The following DAB1 variants were observed in gnomAD, a reference collection of about 807,000 sequenced individuals.
DAB1 encodes the protein DAB adaptor protein 1.
DAB1 carries 15 observed loss-of-function variants against 64.6 expected under a neutral mutation model. That is an observed-to-expected ratio of 0.23 (90% CI 0.16 to 0.36). The LOEUF (loss-of-function observed/expected upper bound fraction) is 0.36, where lower values mean the gene tolerates loss of function less well. Among genes scored for constraint, DAB1 ranks in the 10% least tolerant of loss-of-function variants. The pLI, the probability that DAB1 is intolerant of heterozygous loss-of-function variation, is 1.00. For missense variants in DAB1, 596 were observed against 706.7 expected (o/e 0.84, Z 1.78); for synonymous variants, 235 against 251.9 (o/e 0.93, Z 0.64).
chr1:58,016,180 G>T (rs966847694), intron 5 of DAB1, among the ~76,000 whole-genome samples: 2 of 152,138 alleles, frequency 1.3e-5, no homozygotes, highest in South Asian at 4.1e-4. Context: ...TCTGCAAAAG[G>T]CCAAAAAGTA....
At chr1:57,486,658 TC>T (rs909153978) in intron 7 of DAB1, among the ~76,000 whole-genome samples, 1 of 151,746 alleles carries the variant, frequency 6.6e-6, no homozygotes. Flanking sequence ...CATCTTACCC[TC>T]CCCCCGACTC....
intron 4 of DAB1, among the ~76,000 whole-genome samples, chr1:58,325,529 G>A (rs955905378): frequency 2.6e-5 from 4 of 152,194 alleles, no homozygotes; most frequent in Non-Finnish European, 5.9e-5. Context: ...AAACTTTGGA[G>A]CCAGAAGCAT....
intron 3 of DAB1, among the ~76,000 whole-genome samples, chr1:58,413,589 T>C (rs534317539): frequency 6.6e-6 from 1 of 152,168 alleles, no homozygotes. Context: ...TGGTGGCTTG[T>C]GCAGTCCCAA....
At chr1:58,039,912 C>T (rs1647108619) in intron 5 of DAB1, among the ~76,000 whole-genome samples, 1 of 152,042 alleles carries the variant, frequency 6.6e-6, no homozygotes, top group Non-Finnish European at 1.5e-5. Flanking sequence ...TATTAGTTAT[C>T]AATATTATCC....
intron 7 of DAB1, among the ~76,000 whole-genome samples, chr1:57,606,666 A>G (rs1570668894): frequency 9.2e-6 from 1 of 109,058 alleles, no homozygotes; most frequent in Non-Finnish European, 1.7e-5. Context: ...TATGAAATAT[A>G]TATGAAATAT....
intron 1 of DAB1, among the ~76,000 whole-genome samples, chr1:57,325,593 T>G (rs1222780817): frequency 6.6e-6 from 1 of 152,208 alleles, no homozygotes; most frequent in African/African-American, 2.4e-5. Context: ...TTTTTACATA[T>G]TTCACTATTT....
chr1:57,114,450 T>A (rs1157663407), intron 4 of DAB1, among the ~76,000 whole-genome samples: 2 of 152,200 alleles, frequency 1.3e-5, no homozygotes, highest in African/African-American at 4.8e-5. Flanking sequence ...TTAAAGAGAA[T>A]TCCATTTATG....
At chr1:57,792,218 A>T (rs1418259819) in intron 6 of DAB1, among the ~76,000 whole-genome samples, 2 of 152,164 alleles carry the variant, frequency 1.3e-5, no homozygotes, top group African/African-American at 2.4e-5. Context: ...AAATCACTCT[A>T]ATCTTACCAG....
At chr1:57,667,413 T>C (rs182978298) in intron 6 of DAB1, among the ~76,000 whole-genome samples, 131 of 152,276 alleles carry the variant, frequency 8.6e-4, no homozygotes, top group African/African-American at 3.1e-3. Context: ...TCAGAGTGCT[T>C]AATAATATCT....
chr1:57,363,634 C>T (rs1204304540), intron 1 of DAB1, among the ~76,000 whole-genome samples: 1 of 152,112 alleles, frequency 6.6e-6, no homozygotes, highest in East Asian at 1.9e-4. Flanking sequence ...AGGGACTCCT[C>T]TCATTGTAGG....
chr1:58,397,864 T>C (rs1442788576), intron 3 of DAB1, among the ~76,000 whole-genome samples: 1 of 152,224 alleles, frequency 6.6e-6, no homozygotes, highest in Non-Finnish European at 1.5e-5. Context: ...AGTACCTACC[T>C]CACTGCATTG....
At chr1:57,901,769 G>A (rs1644477332) in intron 5 of DAB1, among the ~76,000 whole-genome samples, 1 of 152,052 alleles carries the variant, frequency 6.6e-6, no homozygotes, top group Non-Finnish European at 1.5e-5. Flanking sequence ...GATGATGTAA[G>A]GTTCAGACAG....
intron 14 of DAB1, among the ~76,000 whole-genome samples, chr1:57,006,036 G>T (rs1266198977): frequency 1.3e-5 from 2 of 152,206 alleles, no homozygotes; most frequent in Non-Finnish European, 2.9e-5. Context: ...TTAGAACACA[G>T]CTACATTCAT....
intron 8 of DAB1, among the ~76,000 whole-genome samples, chr1:57,064,481 A>G (rs1650711210): frequency 6.6e-6 from 1 of 152,156 alleles, no homozygotes; most frequent in Admixed American, 6.5e-5. Flanking sequence ...CAAGTCTTTC[A>G]GGTAAGAACT....
chr1:57,385,261 T>G lies in DAB1; in HGVS notation c.-137+38669A>C, dbSNP rs569781243. On this transcript the variant is annotated intron_variant, in intron 1 of 14. Coordinates refer to ENST00000371236, the MANE Select transcript of DAB1 (RefSeq NM_001365792.1). ...TGGAAAAAGAGAAATAGGACAACCT[T>G]GAGTCTAGATGTTTCACATAAAATT... Among the ~76,000 whole-genome samples the G allele has an allele frequency of 3.3e-5, 5 of 152,360 alleles. No homozygotes were observed. The South Asian group carries it at 1.0e-3, about 32-fold the overall frequency.
intron 7 of DAB1, among the ~76,000 whole-genome samples, chr1:57,462,822 G>T (rs1185714882): frequency 6.6e-6 from 1 of 152,108 alleles, no homozygotes; most frequent in Non-Finnish European, 1.5e-5. Context: ...ATATAATGTA[G>T]TGCTTGCAGA....
At position 58,313,854 on chromosome 1, in the gene DAB1, T is replaced by TGTGTGA. The variant is rs1226470971; in HGVS notation, n.309+29497_309+29498insTCACAC. Among the ~76,000 whole-genome samples, 6 of 117,942 alleles carry TGTGTGA rather than the reference T, an allele frequency of 5.1e-5. No homozygotes were observed. The East Asian group carries it at 1.8e-3, about 36-fold the overall frequency. The allele number at this position is 117,942 out of a possible 152,430, so 77.4% of individuals were successfully genotyped here. On this transcript the variant is annotated intron_variant and non_coding_transcript_variant, in intron 4 of 20. Transcript: ENST00000485760. ...GTGTGTGTGTGTGTGTGTGTGTGTG[T>TGTGTGA]GTGAGAGAGAGAGAGAGAGAGAGAG...
At chr1:58,514,530 C>T (rs191439063) in intron 2 of DAB1, among the ~76,000 whole-genome samples, 54 of 152,268 alleles carry the variant, frequency 3.5e-4, no homozygotes, top group African/African-American at 1.1e-3. Context: ...AAGGTAAATC[C>T]TGACACTGAA....
At chr1:57,508,182 T>C (rs1463290881) in intron 7 of DAB1, among the ~76,000 whole-genome samples, 2 of 152,150 alleles carry the variant, frequency 1.3e-5, no homozygotes, top group Non-Finnish European at 2.9e-5. Flanking sequence ...CCCCGAACAT[T>C]CCAACCTTTG....
Sources: gnomAD v4.1 joint callset for allele counts (sites outside exome capture counted in the v4.1 genomes callset) on GRCh38, gnomAD v4.1.1 for gene constraint, MANE v1.5 for transcripts, NCBI Gene and HGNC (gene_info 2026-07-23, HGNC 2026-07-21) for gene names.